PCDHGA3: variants seen among roughly 807,000 people sequenced by gnomAD.
The protein encoded by PCDHGA3 is protocadherin gamma-A3.
In PCDHGA3, 40 loss-of-function variants were observed where a neutral mutation model predicts 58.5. That is an observed-to-expected ratio of 0.68 (90% CI 0.53 to 0.89). The LOEUF is 0.89. Ranked by LOEUF, PCDHGA3 falls within the 40% of genes least tolerant of loss-of-function variation. The pLI, the probability that PCDHGA3 is intolerant of heterozygous loss-of-function variation, is 0.00. For missense variants in PCDHGA3, 1,223 were observed against 1,195.9 expected (o/e 1.02, Z -0.33); for synonymous variants, 530 against 525.7 (o/e 1.01, Z -0.11).
At chr5:141,480,059 T>G (rs1169389701) in intron 1 of PCDHGA3, among the ~76,000 whole-genome samples, 1 of 152,096 alleles carries the variant, frequency 6.6e-6, no homozygotes, top group African/African-American at 2.4e-5. Context: ...GAATAATAAG[T>G]GTTTTATAAG....
chr5:141,421,617 C>T, intron 1 of PCDHGA3: 3 of 1,613,768 alleles, frequency 1.9e-6, no homozygotes, highest in African/African-American at 1.3e-5. Context: ...TTAATGATAA[C>T]GCCCCCAGCT....
In PCDHGA3 at chr5:141,404,779, C is replaced by T. The variant is rs779433248; in HGVS notation, c.2424+58322C>T. 8.1e-6 allele frequency: 13 copies of T among 1,613,628 alleles called. No individual in the cohort carries two copies. In the Admixed American group the frequency reaches 1.5e-4, roughly 19 times the overall value. ...ATGCTTGGCTCTCCTACCGCCTATT[C>T]AAGGCCAGTGAGCCAGGGCTCTTCT... On this transcript the variant is annotated intron_variant, in intron 1 of 3. Coordinates refer to ENST00000253812, the MANE Select transcript of PCDHGA3 (RefSeq NM_018916.4).
chr5:141,432,088 AGACACCAAC>A lies in PCDHGA3; in HGVS notation c.2425-62714_2425-62706del, dbSNP rs1561857611. 6.2e-7 allele frequency: 1 copy of A among 1,614,148 alleles called. No individual in the cohort carries two copies. Among genetic ancestry groups the A allele is most frequent in the Admixed American group, 1.7e-5 (1 of 60,024 alleles). ...AAACTCATATCTCGCTGAACGTGGC[AGACACCAAC>A]GACAACCCGCCGGTCTTCCCTCAGG... is the stretch of plus-strand genomic sequence containing the variant. On this transcript the variant is annotated intron_variant, in intron 1 of 3. Transcript: ENST00000253812. This position sits in a 1 kb window ranked among gnomAD's most constrained non-coding sequence, Gnocchi z 6.0.
At chr5:141,510,272 TAA>T (rs546154379) in intron 3 of PCDHGA3, among the ~76,000 whole-genome samples, 46 of 130,286 alleles carry the variant, frequency 3.5e-4, no homozygotes, top group South Asian at 5.0e-4. Context: ...GACTCCATCT[TAA>T]AAAAAAAAAA....
At chr5:141,374,498 G>A in intron 1 of PCDHGA3, 8 of 1,611,504 alleles carry the variant, frequency 5.0e-6, no homozygotes, top group South Asian at 1.1e-5. Context: ...GGAAGAATTG[G>A]AAGTGAAAAT....
In PCDHGA3 at chr5:141,476,089, C is replaced by A; in HGVS notation, c.2425-18718C>A. 1 of 1,560,716 alleles carries A rather than the reference C, an allele frequency of 6.4e-7. No individual in the cohort carries two copies. The highest frequency in any genetic ancestry group is 8.6e-7 in the Non-Finnish European group (1 of 1,158,372). On this transcript the variant is annotated intron_variant, in intron 1 of 3. Coordinates refer to ENST00000253812, the MANE Select transcript of PCDHGA3 (RefSeq NM_018916.4). This position sits in a 1 kb window ranked among gnomAD's most constrained non-coding sequence, Gnocchi z 7.6. ...CGAAATCTCAGGGACGATCTGGACC[C>A]CGCTGAGAGGAACTGCTTTTGAGTG...
At chr5:141,389,785 ACGCCGTC>A (rs1561627912) in intron 1 of PCDHGA3, 1 of 1,613,332 alleles carries the variant, frequency 6.2e-7, no homozygotes. Context: ...GGCGACAGGG[ACGCCGTC>A]CGCCAGCGCC....
At chr5:141,362,666 G>T in intron 1 of PCDHGA3, 1 of 1,321,002 alleles carries the variant, frequency 7.6e-7, no homozygotes, top group South Asian at 1.5e-5. Flanking sequence ...GGCCAATGTT[G>T]TGCCTTAATT....
At chr5:141,389,267 GA>G (rs2091674195) in intron 1 of PCDHGA3, 1 of 1,613,890 alleles carries the variant, frequency 6.2e-7, no homozygotes, top group African/African-American at 1.3e-5. Context: ...ACGTGGCCGA[GA>G]ACAACCCGCC....
chr5:141,403,759 G>A (rs900084263), intron 1 of PCDHGA3: 2 of 1,613,794 alleles, frequency 1.2e-6, no homozygotes, highest in Non-Finnish European at 1.7e-6. Flanking sequence ...CCAGCGACCT[G>A]GATGAGGGAA....
intron 1 of PCDHGA3, chr5:141,400,337 C>T: frequency 6.2e-7 from 1 of 1,614,080 alleles, no homozygotes; most frequent in Non-Finnish European, 8.5e-7. Context: ...GTGGTTCCCC[C>T]CAACTACAGT....
intron 1 of PCDHGA3, chr5:141,398,901 C>T: frequency 9.9e-6 from 16 of 1,613,954 alleles, no homozygotes; most frequent in Non-Finnish European, 1.3e-5. Flanking sequence ...TGCCACCAGG[C>T]ACCACTGTGT....
chr5:141,490,288 G>A lies in PCDHGA3; in HGVS notation c.2425-4519G>A. On this transcript the variant is annotated intron_variant, in intron 1 of 3. Coordinates refer to ENST00000253812, the MANE Select transcript of PCDHGA3 (RefSeq NM_018916.4). The surrounding 1 kb of genome is among the most constrained non-coding windows in gnomAD (Gnocchi z 5.4). ...GGATGTCAATGACAATGCCCCAGAG[G>A]TGCTATTGGCCTCTTTGGCCAACCC... The A allele has an allele frequency of 3.7e-6, 6 of 1,614,198 alleles. No individual in the cohort carries two copies. The highest frequency in any genetic ancestry group is 5.1e-6 in the Non-Finnish European group (6 of 1,180,042).
At chr5:141,368,370 TA>T (rs1332977748) in intron 1 of PCDHGA3, among the ~76,000 whole-genome samples, 7 of 152,116 alleles carry the variant, frequency 4.6e-5, no homozygotes, top group African/African-American at 7.2e-5. Flanking sequence ...TACACACATA[TA>T]TATACACACA....
rs1250096461 is a variant in PCDHGA3 at position 141,485,533 on chromosome 5, G to A, written c.2425-9274G>A. 6.2e-7 allele frequency: 1 copy of A among 1,614,084 alleles called. No homozygotes were observed. Among genetic ancestry groups the A allele is most frequent in the Non-Finnish European group, 8.5e-7 (1 of 1,180,034 alleles). On this transcript the variant is annotated intron_variant, in intron 1 of 3. Coordinates refer to ENST00000253812, the MANE Select transcript of PCDHGA3 (RefSeq NM_018916.4). This position sits in a 1 kb window ranked among gnomAD's most constrained non-coding sequence, Gnocchi z 5.7. ...GTCCTTTGGAAATGTACCGAGCAGA[G>A]GTAGAGATCGTAGATGTGAATGATC...
chr5:141,388,372 G>C (rs1040306905), intron 1 of PCDHGA3: 5 of 1,613,966 alleles, frequency 3.1e-6, no homozygotes, highest in Non-Finnish European at 4.2e-6. Context: ...GCGGATATTG[G>C]TAGCAACACA....
chr5:141,354,680 T>C (rs1484161704), intron 1 of PCDHGA3, among the ~76,000 whole-genome samples: 3 of 152,232 alleles, frequency 2.0e-5, no homozygotes, highest in Admixed American at 2.0e-4. Flanking sequence ...GAGATAATTA[T>C]GTCCCTCACA....
chr5:141,430,033 C>T (rs556099456), intron 1 of PCDHGA3, among the ~76,000 whole-genome samples: 1 of 152,066 alleles, frequency 6.6e-6, no homozygotes, highest in Non-Finnish European at 1.5e-5. Context: ...AAGTGTGATT[C>T]TGATAATGTA....
At chr5:141,502,494 A>G (rs928571740) in intron 2 of PCDHGA3, among the ~76,000 whole-genome samples, 2 of 152,180 alleles carry the variant, frequency 1.3e-5, no homozygotes, top group South Asian at 2.1e-4. Context: ...GGACTCATCT[A>G]ACGTCGGCCT....
Sources: allele counts gnomAD v4.1 joint callset (sites outside exome capture counted in the v4.1 genomes callset), GRCh38; gene constraint gnomAD v4.1.1; non-coding constraint Gnocchi (gnomAD v3.1); transcripts MANE v1.5; gene names NCBI Gene and HGNC (gene_info 2026-07-23, HGNC 2026-07-21).